Variants in ADCY8 observed in about 807,000 individuals in gnomAD.
ADCY8 encodes adenylate cyclase 8.
In ADCY8, 51 loss-of-function variants were observed where a neutral mutation model predicts 119.7. The observed-to-expected ratio is 0.43, with a 90% CI of 0.34 to 0.54. The LOEUF (loss-of-function observed/expected upper bound fraction) is 0.54, where lower values mean the gene tolerates loss of function less well. ADCY8 is among the 20% of genes least tolerant of loss of function. The pLI is 0.03. For synonymous variants in ADCY8, 665 were observed against 651.0 expected, an observed-to-expected ratio of 1.02 and a Z score of -0.33; for missense variants, 1,383 against 1,598.8, an observed-to-expected ratio of 0.87 and a Z score of 2.30.
chr8:130,975,669 C>A (rs953576624), intron 2 of ADCY8, among the ~76,000 whole-genome samples: 2 of 152,146 alleles, frequency 1.3e-5, no homozygotes, highest in African/African-American at 4.8e-5. Context: ...AGCTGAAGCA[C>A]GTAAAGTTAC....
At chr8:130,898,326 C>G (rs1819477645) in intron 7 of ADCY8, among the ~76,000 whole-genome samples, 1 of 152,312 alleles carries the variant, frequency 6.6e-6, no homozygotes, top group African/African-American at 2.4e-5. Context: ...TGTCCCGAAG[C>G]TCTCTACTCC....
intron 2 of ADCY8, among the ~76,000 whole-genome samples, chr8:130,980,167 C>T (rs1022371255): frequency 9.2e-5 from 14 of 152,134 alleles, no homozygotes; most frequent in Admixed American, 2.0e-4. Context: ...CCTGCTCCTG[C>T]CTCTGGGATT....
intron 9 of ADCY8, among the ~76,000 whole-genome samples, chr8:130,861,723 G>A (rs942921174): frequency 6.6e-6 from 1 of 151,318 alleles, no homozygotes; most frequent in Non-Finnish European, 1.5e-5. Context: ...TTAAATACAG[G>A]TGGTGAGAGT....
intron 5 of ADCY8, among the ~76,000 whole-genome samples, chr8:130,922,685 G>T (rs949499744): frequency 2.0e-5 from 3 of 151,912 alleles, no homozygotes; most frequent in Admixed American, 2.0e-4. Context: ...CCACAAAACC[G>T]CCATTGTCAT....
chr8:130,839,363 G>A (rs1342209507), intron 11 of ADCY8, among the ~76,000 whole-genome samples: 1 of 139,402 alleles, frequency 7.2e-6, no homozygotes, highest in African/African-American at 2.5e-5. Context: ...GCATGGTTTA[G>A]GTAACTTTTT....
intron 1 of ADCY8, among the ~76,000 whole-genome samples, chr8:131,017,951 A>G (rs999094985): frequency 5.9e-5 from 9 of 152,224 alleles, no homozygotes; most frequent in Admixed American, 3.9e-4. Context: ...TACATCAAAT[A>G]TCAGAAAACT....
chr8:130,867,706 T>C (rs1210626580), intron 9 of ADCY8, 140 bp downstream of exon 9: 5 of 519,092 alleles, frequency 9.6e-6, no homozygotes, highest in African/African-American at 5.8e-5. Flanking sequence ...GGAATAGACA[T>C]TGATACTGTC....
At chr8:131,002,034 C>T (rs561343704) in intron 1 of ADCY8, among the ~76,000 whole-genome samples, 29 of 152,286 alleles carry the variant, frequency 1.9e-4, no homozygotes, top group East Asian at 3.9e-4. Context: ...TGCTGTGCTA[C>T]GCATAGAGCT....
At chr8:130,829,531 G>T (rs1276274572) in intron 12 of ADCY8, among the ~76,000 whole-genome samples, 3 of 143,164 alleles carry the variant, frequency 2.1e-5, no homozygotes, top group Admixed American at 1.4e-4. Context: ...GACAATAGTT[G>T]GTTGTTTAAA....
chr8:130,791,986 A>G (rs1270026227), intron 15 of ADCY8, among the ~76,000 whole-genome samples: 3 of 152,180 alleles, frequency 2.0e-5, no homozygotes, highest in Non-Finnish European at 2.9e-5. Flanking sequence ...CAACTTCTGA[A>G]AAGAGTTGTC....
At chr8:130,984,647 A>C (rs552841062) in intron 2 of ADCY8, among the ~76,000 whole-genome samples, 1 of 152,332 alleles carries the variant, frequency 6.6e-6, no homozygotes, top group East Asian at 1.9e-4. Flanking sequence ...GAGAGGACTT[A>C]AACCAGGCAG....
intron 1 of ADCY8, among the ~76,000 whole-genome samples, chr8:130,998,972 C>T (rs1399675714): frequency 2.6e-5 from 4 of 152,092 alleles, no homozygotes; most frequent in African/African-American, 4.8e-5. Flanking sequence ...CGATCTGCTG[C>T]GGTGGGTCCA....
chr8:130,965,286 G>A (rs943215600), intron 2 of ADCY8, among the ~76,000 whole-genome samples: 1 of 152,206 alleles, frequency 6.6e-6, no homozygotes, highest in Non-Finnish European at 1.5e-5. Context: ...TAAACATTGA[G>A]TGCACATGGG....
chr8:131,037,279 A>AG (rs1207039122), intron 1 of ADCY8, among the ~76,000 whole-genome samples: 2 of 152,130 alleles, frequency 1.3e-5, no homozygotes, highest in Non-Finnish European at 2.9e-5. Flanking sequence ...TTCACAGTGG[A>AG]GAATTGTTTA....
chr8:130,885,023 T>A (rs1185473232), intron 7 of ADCY8, among the ~76,000 whole-genome samples: 1 of 152,140 alleles, frequency 6.6e-6, no homozygotes, highest in South Asian at 2.1e-4. Flanking sequence ...TGGAGAGTTG[T>A]TGGCTTAGAA....
chr8:130,842,080 C>G (rs1563687314), intron 11 of ADCY8, among the ~76,000 whole-genome samples: 2 of 152,172 alleles, frequency 1.3e-5, no homozygotes, highest in Admixed American at 1.3e-4. Flanking sequence ...GGTTGGTGCT[C>G]TAGTACACTC....
rs769293936 is a variant in ADCY8, at chr8:130,780,881, G to A, written c.3269-4C>T. 4.3e-6 allele frequency: 7 copies of A among 1,612,306 alleles called. No individual in the cohort carries two copies. The highest frequency in any genetic ancestry group is 5.1e-6 in the Non-Finnish European group (6 of 1,178,578). On this transcript the variant is annotated splice_region_variant and splice_polypyrimidine_tract_variant and intron_variant, in intron 17 of 17. Coordinates refer to ENST00000286355, the MANE Select transcript of ADCY8 (RefSeq NM_001115.3). ...ACCACTGAGCCGTGGCTGATGCCTG[G>A]GGGGTGAAGCAAAGGAGCAAGAAGT...
intron 6 of ADCY8, among the ~76,000 whole-genome samples, chr8:130,906,557 A>G (rs1446165466): frequency 6.6e-6 from 1 of 152,104 alleles, no homozygotes; most frequent in Non-Finnish European, 1.5e-5. Context: ...TTTTGGTAGA[A>G]ACTGGGTTTT....
At chr8:130,962,017 A>G (rs1821621436) in intron 2 of ADCY8, among the ~76,000 whole-genome samples, 1 of 152,170 alleles carries the variant, frequency 6.6e-6, no homozygotes, top group Non-Finnish European at 1.5e-5. Context: ...AAGTGCCAAC[A>G]CTCATTAGAT....
Sources: gnomAD v4.1 joint callset for allele counts (sites outside exome capture counted in the v4.1 genomes callset) on GRCh38, gnomAD v4.1.1 for gene constraint, MANE v1.5 for transcripts, NCBI Gene and HGNC (gene_info 2026-07-23, HGNC 2026-07-21) for gene names.